The following UNC79 variants were observed in gnomAD, a reference collection of about 807,000 sequenced individuals.
The protein encoded by UNC79 is protein unc-79 homolog.
In UNC79, 37 loss-of-function variants were observed where a neutral mutation model predicts 283.1. That is an observed-to-expected ratio of 0.13 (90% CI 0.10 to 0.17). The LOEUF is 0.17. Ranked by LOEUF, UNC79 falls within the 10% of genes least tolerant of loss-of-function variation. The probability of loss-of-function intolerance (pLI) is 1.00; values close to 1 mark genes in which losing one functional copy is unlikely to be tolerated. For synonymous variants in UNC79, 1,107 were observed against 1,200.2 expected (o/e 0.92, Z 1.61); for missense variants, 2,272 against 3,211.1 (o/e 0.71, Z 7.07).
chr14:93,408,870 T>C (rs949141248), intron 1 of UNC79, among the ~76,000 whole-genome samples: 1 of 152,210 alleles, frequency 6.6e-6, no homozygotes, highest in African/African-American at 2.4e-5. Flanking sequence ...AAAACCTTTA[T>C]TTTAAAATGC....
At chr14:93,613,420 C>CT (rs570173176) in intron 27 of UNC79, among the ~76,000 whole-genome samples, 1,722 of 142,872 alleles carry the variant, frequency 0.012, 37 homozygotes, top group African/African-American at 0.039. Flanking sequence ...TATTTGGTTT[C>CT]TTTTTTTTTT....
At chr14:93,525,562 C>T (rs2060511534) in intron 8 of UNC79, among the ~76,000 whole-genome samples, 1 of 152,148 alleles carries the variant, frequency 6.6e-6, no homozygotes, top group South Asian at 2.1e-4. Flanking sequence ...TTCAGAGGTG[C>T]TCTTCTTTGG....
intron 18 of UNC79, 89 bp downstream of exon 18, chr14:93,578,152 C>T (rs2063575348): frequency 8.2e-7 from 1 of 1,216,150 alleles, no homozygotes. Context: ...TGGGCATCTC[C>T]ACACTTATCA....
At chr14:93,567,289 A>T (rs2062949476) in intron 14 of UNC79, among the ~76,000 whole-genome samples, 1 of 151,892 alleles carries the variant, frequency 6.6e-6, no homozygotes, top group Non-Finnish European at 1.5e-5. Flanking sequence ...GTAGTGGCGC[A>T]ATCTCGGCTC....
At chr14:93,486,244 G>C (rs1284386431) in intron 4 of UNC79, among the ~76,000 whole-genome samples, 1 of 152,102 alleles carries the variant, frequency 6.6e-6, no homozygotes. Context: ...AGTGTAAGGC[G>C]AGGTTTCTTC....
At chr14:93,366,421 C>G (rs539821733) in intron 1 of UNC79, among the ~76,000 whole-genome samples, 80 of 152,194 alleles carry the variant, frequency 5.3e-4, no homozygotes, top group Non-Finnish European at 9.3e-4. Flanking sequence ...CCAGCCAGAG[C>G]AGGGTCCTAT....
chr14:93,518,100 G>C (rs1160617788), intron 7 of UNC79, among the ~76,000 whole-genome samples: 1 of 152,050 alleles, frequency 6.6e-6, no homozygotes, highest in Non-Finnish European at 1.5e-5. Flanking sequence ...CATTTACAGA[G>C]TAATACTGAC....
At chr14:93,548,280 G>A (rs1033327451) in intron 14 of UNC79, among the ~76,000 whole-genome samples, 2 of 152,126 alleles carry the variant, frequency 1.3e-5, no homozygotes, top group Non-Finnish European at 2.9e-5. Context: ...GTAGCTCTCT[G>A]AGGTCCCTTT....
chr14:93,625,302 C>T (rs1277674385), intron 30 of UNC79, among the ~76,000 whole-genome samples: 1 of 152,208 alleles, frequency 6.6e-6, no homozygotes, highest in African/African-American at 2.4e-5. Context: ...GAGCTGCATA[C>T]CCTCAGATCA....
chr14:93,370,423 G>A (rs1050416033), intron 1 of UNC79, among the ~76,000 whole-genome samples: 1 of 152,220 alleles, frequency 6.6e-6, no homozygotes, highest in Non-Finnish European at 1.5e-5. Flanking sequence ...GAATGCCTTT[G>A]ATGGGCTTAT....
At chr14:93,558,946 T>A (rs2062375562) in intron 14 of UNC79, among the ~76,000 whole-genome samples, 1 of 151,994 alleles carries the variant, frequency 6.6e-6, no homozygotes. Flanking sequence ...AAAGGAAAAA[T>A]GGATCAGGAT....
chr14:93,675,868 T>C (rs529494406), intron 41 of UNC79, among the ~76,000 whole-genome samples: 1 of 152,174 alleles, frequency 6.6e-6, no homozygotes, highest in South Asian at 2.1e-4. Flanking sequence ...GCTCTTATTA[T>C]ACCAAGTTAC....
intron 30 of UNC79, among the ~76,000 whole-genome samples, chr14:93,623,374 G>T (rs538142242): frequency 1.3e-5 from 2 of 152,218 alleles, no homozygotes; most frequent in Non-Finnish European, 2.9e-5. Context: ...ACCAGTTACA[G>T]CCTAGACCCT....
At position 93,500,526 on chromosome 14, in the gene UNC79, A is replaced by G. The variant is rs537088428; in HGVS notation, c.898+3240A>G. Among the ~76,000 whole-genome samples, 159 of 152,296 alleles carry G rather than the reference A, an allele frequency of 1.0e-3. 1 individual carries two copies. The highest frequency in any genetic ancestry group is 3.6e-3 in the African/African-American group (150 of 41,552). On this transcript the variant is annotated intron_variant, in intron 7 of 48. Coordinates refer to ENST00000555664, the Ensembl canonical transcript of UNC79. ...ATCCAGCACCGGCTGCTGGTCAGAC[A>G]TTGTTTAGCTGCTTATGATATTATC...
At chr14:93,351,929 T>C (rs931728566) in intron 1 of UNC79, among the ~76,000 whole-genome samples, 2 of 152,236 alleles carry the variant, frequency 1.3e-5, no homozygotes, top group Admixed American at 1.3e-4. Context: ...ATTCAAGGCC[T>C]ACCGATTTAA....
In UNC79 at chr14:93,419,097, A is replaced by G. The variant is rs2055532648; in HGVS notation, c.-350-48574A>G. Among the ~76,000 whole-genome samples, 2 of 147,912 alleles carry G rather than the reference A, an allele frequency of 1.4e-5. 1 individual carries two copies. Among genetic ancestry groups the G allele is most frequent in the South Asian group, 4.4e-4 (2 of 4,548 alleles). ...CGGTACCTCAGATGGAAATGCAGAA[A>G]TCACCCGTCTTCTGTGTCACGCTGG... On this transcript the variant is annotated intron_variant, in intron 1 of 49. Coordinates refer to the UNC79 transcript ENST00000256339.
At chr14:93,426,563 TC>T (rs529097845), upstream of UNC79, among the ~76,000 whole-genome samples, 317 of 151,956 alleles carry the variant, frequency 2.1e-3, no homozygotes, top group African/African-American at 7.1e-3. Flanking sequence ...ATTATTTTTT[TC>T]GATCTGTTTT....
intron 2 of UNC79, among the ~76,000 whole-genome samples, chr14:93,468,366 C>T (rs573599369): frequency 1.8e-4 from 27 of 152,286 alleles, no homozygotes; most frequent in African/African-American, 5.1e-4. Flanking sequence ...ATTTGCTCCA[C>T]GTATCTTGAT....
intron 1 of UNC79, among the ~76,000 whole-genome samples, chr14:93,393,472 G>C (rs1474120296): frequency 6.6e-6 from 1 of 152,078 alleles, no homozygotes; most frequent in Admixed American, 6.6e-5. Flanking sequence ...TTATGAAATT[G>C]AGCCAAATGA....
Sources: gnomAD v4.1 joint callset for allele counts (sites outside exome capture counted in the v4.1 genomes callset) on GRCh38, gnomAD v4.1.1 for gene constraint, MANE v1.5 for transcripts, NCBI Gene and HGNC (gene_info 2026-07-23, HGNC 2026-07-21) for gene names.